MGMT: variants seen among roughly 807,000 people sequenced by gnomAD.
MGMT encodes the protein methylated-DNA--protein-cysteine methyltransferase.
A neutral mutation model predicts 15.9 loss-of-function variants in MGMT; 14 were observed. The ratio of observed to expected loss-of-function variants is 0.88; its 90% CI spans 0.58 to 1.37. The LOEUF (loss-of-function observed/expected upper bound fraction) is 1.37, where lower values mean the gene tolerates loss of function less well. Ranked by LOEUF, MGMT falls within the 40% of genes most tolerant of loss-of-function variation. The pLI, the probability that MGMT is intolerant of heterozygous loss-of-function variation, is 0.00. For missense variants in MGMT, 282 were observed against 268.1 expected (o/e 1.05, Z -0.36); for synonymous variants, 130 against 118.2 (o/e 1.10, Z -0.65).
chr10:129,647,960 C>T (rs1341709104), intron 2 of MGMT, among the ~76,000 whole-genome samples: 1 of 152,130 alleles, frequency 6.6e-6, no homozygotes, highest in African/African-American at 2.4e-5. Context: ...ATTTAAATGC[C>T]CTTTTCATTC....
chr10:129,730,229 C>T (rs949153614), intron 3 of MGMT, among the ~76,000 whole-genome samples: 2 of 152,078 alleles, frequency 1.3e-5, no homozygotes, highest in African/African-American at 2.4e-5. Context: ...CATGAAATGG[C>T]GTGGAGCTGA....
intron 2 of MGMT, among the ~76,000 whole-genome samples, chr10:129,617,456 T>C (rs1847040754): frequency 6.6e-6 from 1 of 152,202 alleles, no homozygotes; most frequent in Non-Finnish European, 1.5e-5. Context: ...AATAATAGGA[T>C]TGTGGATTGA....
Position 129,769,637 on chromosome 10 carries a change from T to C in MGMT, c.*2640T>C, listed in dbSNP as rs1848979018. 6.6e-6 allele frequency among the ~76,000 whole-genome samples: 1 copy of C among 152,132 alleles called. No individual in the cohort carries two copies. The highest frequency in any genetic ancestry group is 6.6e-5 in the Admixed American group (1 of 15,260). ...AATACTTGTTTTTGCAGAACCACAC[T>C]TGTGGCAAAATAAGTTGCCTTTGGC... On this transcript the variant is annotated 3_prime_UTR_variant, in exon 5 of 5. Transcript: ENST00000651593.
chr10:129,610,892 T>C (rs1846951900), intron 2 of MGMT, among the ~76,000 whole-genome samples: 1 of 152,210 alleles, frequency 6.6e-6, no homozygotes, highest in African/African-American at 2.4e-5. Flanking sequence ...CCCTAGAGCC[T>C]ACAACAGTGT....
rs577636665 is a variant in MGMT at position 129,582,649 on chromosome 10, G to A, written c.125+46272G>A. On this transcript the variant is annotated intron_variant, in intron 2 of 4. Transcript: ENST00000651593. ...ATAGAATTTTAGTGTAGGTGATCTT[G>A]TGCTTTAGGATAAAACCATTTTTCT... Among the ~76,000 whole-genome samples the A allele has an allele frequency of 7.9e-5, 12 of 151,852 alleles. No homozygotes were observed. The East Asian group carries it at 2.3e-3, about 30-fold the overall frequency.
intron 2 of MGMT, among the ~76,000 whole-genome samples, chr10:129,608,356 T>C (rs1846917635): frequency 6.6e-6 from 1 of 152,228 alleles, no homozygotes; most frequent in South Asian, 2.1e-4. Flanking sequence ...GGGGAGGAAC[T>C]CCGGGTTTGC....
At chr10:129,572,972 G>A (rs546416803) in intron 2 of MGMT, among the ~76,000 whole-genome samples, 48 of 152,278 alleles carry the variant, frequency 3.2e-4, no homozygotes, top group African/African-American at 1.1e-3. Flanking sequence ...CCTATTTATA[G>A]ACATCTTTCT....
intron 2 of MGMT, among the ~76,000 whole-genome samples, chr10:129,615,964 A>T (rs1338663296): frequency 6.6e-6 from 1 of 152,104 alleles, no homozygotes; most frequent in Non-Finnish European, 1.5e-5. Flanking sequence ...TGGGTGTTGA[A>T]GAGGAATCTT....
chr10:129,730,614 A>G (rs967755918), intron 3 of MGMT, among the ~76,000 whole-genome samples: 2 of 151,966 alleles, frequency 1.3e-5, no homozygotes, highest in Non-Finnish European at 2.9e-5. Flanking sequence ...CTCAGACTTG[A>G]TTTCCCTCCC....
chr10:129,707,019 T>TG (rs1848171175), intron 2 of MGMT, among the ~76,000 whole-genome samples: 1 of 151,952 alleles, frequency 6.6e-6, no homozygotes, highest in South Asian at 2.1e-4. Context: ...CCCAGCAGTT[T>TG]GGGGGGCCCA....
At chr10:129,746,336 T>C (rs1848696012) in intron 3 of MGMT, among the ~76,000 whole-genome samples, 1 of 151,748 alleles carries the variant, frequency 6.6e-6, no homozygotes, top group Admixed American at 6.6e-5. Flanking sequence ...TGAAGTTCAA[T>C]TTATCTCTCT....
chr10:129,658,764 G>T (rs998541459), intron 2 of MGMT, among the ~76,000 whole-genome samples: 2 of 152,172 alleles, frequency 1.3e-5, no homozygotes, highest in Non-Finnish European at 2.9e-5. Context: ...TGGCTAGCTG[G>T]ATTCCAGCCT....
chr10:129,669,036 T>G (rs1265674847), intron 2 of MGMT, among the ~76,000 whole-genome samples: 2 of 152,208 alleles, frequency 1.3e-5, no homozygotes, highest in Non-Finnish European at 2.9e-5. Context: ...CTATTGTAAG[T>G]GTTATGCATT....
Position 129,473,745 on chromosome 10 carries a change from G to A in MGMT, c.-13+6449G>A, listed in dbSNP as rs1031254341. ...TTTAGCATTGTGGGAAAAGCAATTC[G>A]CCCAAGTGTATTCCTGCTTGAAGGC... is the stretch of plus-strand genomic sequence containing the variant. On this transcript the variant is annotated intron_variant, in intron 1 of 4. Coordinates refer to ENST00000651593, the MANE Select transcript of MGMT (RefSeq NM_002412.5). Among the ~76,000 whole-genome samples, 4 of 152,300 alleles carry A rather than the reference G, an allele frequency of 2.6e-5. 1 individual carries two copies. The East Asian group carries it at 7.7e-4, about 29-fold the overall frequency.
chr10:129,472,131 T>C (rs1845238976), intron 1 of MGMT, among the ~76,000 whole-genome samples: 1 of 152,146 alleles, frequency 6.6e-6, no homozygotes, highest in Non-Finnish European at 1.5e-5. Flanking sequence ...ATTTTCCTGG[T>C]CTCAGGTGAG....
chr10:129,500,846 C>T (rs1223711284), intron 1 of MGMT, among the ~76,000 whole-genome samples: 2 of 152,208 alleles, frequency 1.3e-5, no homozygotes, highest in African/African-American at 4.8e-5. Flanking sequence ...CCACCGCACG[C>T]AGCCCAAATG....
chr10:129,590,220 A>G (rs1416277505), intron 2 of MGMT, among the ~76,000 whole-genome samples: 1 of 152,208 alleles, frequency 6.6e-6, no homozygotes, highest in East Asian at 1.9e-4. Context: ...TTTTACTTGG[A>G]AACACATGTT....
chr10:129,530,860 CCCTCCCCAT>C (rs1265879456), intron 1 of MGMT, among the ~76,000 whole-genome samples: 2 of 152,212 alleles, frequency 1.3e-5, no homozygotes, highest in Non-Finnish European at 2.9e-5. Flanking sequence ...GCCCGGGGGC[CCCTCCCCAT>C]AGTTCAGTTC....
chr10:129,750,211 G>T (rs1429852025), intron 3 of MGMT, among the ~76,000 whole-genome samples: 1 of 151,968 alleles, frequency 6.6e-6, no homozygotes, highest in Non-Finnish European at 1.5e-5. Context: ...ATTTTCTCCT[G>T]TGTTATATTC....
Sources: allele counts gnomAD v4.1 joint callset (sites outside exome capture counted in the v4.1 genomes callset), GRCh38; gene constraint gnomAD v4.1.1; transcripts MANE v1.5; gene names NCBI Gene and HGNC (gene_info 2026-07-23, HGNC 2026-07-21).